RABGAP1L: variants seen among roughly 807,000 people sequenced by gnomAD.
RABGAP1L encodes the protein rab GTPase-activating protein 1-like.
RABGAP1L carries 63 observed loss-of-function variants against 137.7 expected under a neutral mutation model. The ratio of observed to expected loss-of-function variants is 0.46; its 90% CI spans 0.37 to 0.56. The LOEUF (loss-of-function observed/expected upper bound fraction) is 0.56, where lower values mean the gene tolerates loss of function less well. Ranked by LOEUF, RABGAP1L falls within the 20% of genes least tolerant of loss-of-function variation. The probability of loss-of-function intolerance (pLI) is 0.00; values close to 1 mark genes in which losing one functional copy is unlikely to be tolerated. For missense variants in RABGAP1L, 1,095 were observed against 1,244.0 expected, an observed-to-expected ratio of 0.88 and a Z score of 1.80; for synonymous variants, 431 against 433.7, an observed-to-expected ratio of 0.99 and a Z score of 0.08.
At chr1:174,314,619 T>A (rs1034391738) in intron 11 of RABGAP1L, among the ~76,000 whole-genome samples, 2 of 152,316 alleles carry the variant, frequency 1.3e-5, no homozygotes, top group Admixed American at 1.3e-4. Context: ...CTTCCTTTTT[T>A]TGATGTAGAC....
intron 14 of RABGAP1L, among the ~76,000 whole-genome samples, chr1:174,678,978 T>C (rs1194241860): frequency 6.6e-6 from 1 of 152,170 alleles, no homozygotes; most frequent in Non-Finnish European, 1.5e-5. Context: ...GCTTGAGCCC[T>C]AACAAACACA....
At chr1:174,727,167 C>T (rs899617166) in intron 17 of RABGAP1L, among the ~76,000 whole-genome samples, 1 of 152,206 alleles carries the variant, frequency 6.6e-6, no homozygotes, top group Non-Finnish European at 1.5e-5. Flanking sequence ...TGAGATAACA[C>T]TTGTCATATG....
chr1:174,800,221 T>G, intron 18 of RABGAP1L: 1 of 1,414,988 alleles, frequency 7.1e-7, no homozygotes, highest in Non-Finnish European at 9.2e-7. Flanking sequence ...CACCACAGAC[T>G]GGCTTGTACG....
chr1:174,383,465 G>T (rs541928529), intron 12 of RABGAP1L, among the ~76,000 whole-genome samples: 2 of 152,128 alleles, frequency 1.3e-5, no homozygotes, highest in Non-Finnish European at 2.9e-5. Flanking sequence ...AGGACCCTCT[G>T]AGCCAGGTGT....
At chr1:174,704,656 T>C (rs1679920200) in intron 17 of RABGAP1L, among the ~76,000 whole-genome samples, 1 of 152,238 alleles carries the variant, frequency 6.6e-6, no homozygotes, top group African/African-American at 2.4e-5. Context: ...CTTGTTTTAC[T>C]TACAAATTAG....
At chr1:174,859,480 C>T (rs1342206581) in intron 19 of RABGAP1L, among the ~76,000 whole-genome samples, 1 of 68,092 alleles carries the variant, frequency 1.5e-5, no homozygotes, top group Non-Finnish European at 2.6e-5. Context: ...GAGACTCCAT[C>T]TCAAAAAAAA....
chr1:174,501,530 C>T (rs1297306175), intron 13 of RABGAP1L, among the ~76,000 whole-genome samples: 1 of 152,082 alleles, frequency 6.6e-6, no homozygotes, highest in Non-Finnish European at 1.5e-5. Flanking sequence ...TCCTGCTATG[C>T]CTTCGTAAAA....
Position 174,989,977 on chromosome 1 carries a change from C to T in RABGAP1L, c.3132C>T (p.Thr1044=). ...AGCCATTGCAGCCAGCACCGGTCAC[C>T]CAGCCACCCAAGGAGAGCACATAGT... The part of the protein sequence containing the change: ...GTQPLQPAPV[T]QPPKEST The change falls in exon 26 of 26, where the codon ACC becomes ACT. Residue 1044 remains threonine, a synonymous_variant. Transcript: ENST00000681986. 2 of 1,547,496 alleles carry T rather than the reference C, an allele frequency of 1.3e-6. No homozygotes were observed. Among genetic ancestry groups the T allele is most frequent in the African/African-American group, 1.4e-5 (1 of 73,062 alleles).
chr1:174,407,628 T>C (rs1250019230), intron 13 of RABGAP1L, among the ~76,000 whole-genome samples: 2 of 152,194 alleles, frequency 1.3e-5, no homozygotes, highest in Non-Finnish European at 2.9e-5. Context: ...ATTATTATTA[T>C]CATTATTTTT....
intron 12 of RABGAP1L, among the ~76,000 whole-genome samples, chr1:174,380,574 G>T (rs931751453): frequency 4.3e-4 from 65 of 152,128 alleles, no homozygotes; most frequent in Non-Finnish European, 8.1e-4. Flanking sequence ...GTTTATTTGC[G>T]TAGAGGTGTT....
intron 14 of RABGAP1L, among the ~76,000 whole-genome samples, chr1:174,651,424 T>G (rs1016222220): frequency 2.6e-5 from 4 of 152,314 alleles, no homozygotes; most frequent in East Asian, 1.9e-4. Flanking sequence ...TGTCTAATGT[T>G]GACAGTGGGG....
chr1:174,817,475 A>C (rs572909562), intron 19 of RABGAP1L, among the ~76,000 whole-genome samples: 3 of 152,292 alleles, frequency 2.0e-5, no homozygotes, highest in Admixed American at 2.0e-4. Flanking sequence ...GAGTTGCCCA[A>C]GACCTGAATG....
At chr1:174,315,917 A>C (rs1370756262) in intron 11 of RABGAP1L, among the ~76,000 whole-genome samples, 1 of 151,690 alleles carries the variant, frequency 6.6e-6, no homozygotes, top group African/African-American at 2.4e-5. Flanking sequence ...GGCATGCTTC[A>C]TTGTTTCTTA....
At chr1:174,168,939 G>A (rs1036018758) in intron 1 of RABGAP1L, among the ~76,000 whole-genome samples, 2 of 152,162 alleles carry the variant, frequency 1.3e-5, no homozygotes, top group Non-Finnish European at 2.9e-5. Context: ...TGAAGTCTGG[G>A]CTTTTAGTAT....
intron 19 of RABGAP1L, among the ~76,000 whole-genome samples, chr1:174,859,953 CTTTTTTT>C (rs746676430): frequency 4.4e-4 from 42 of 95,116 alleles, no homozygotes; most frequent in South Asian, 2.2e-3. Flanking sequence ...TAGTCCAATG[CTTTTTTT>C]TTTTTTTTTT....
chr1:174,438,137 G>A (rs139907292), intron 13 of RABGAP1L, among the ~76,000 whole-genome samples: 2,654 of 152,210 alleles, frequency 0.017, 74 homozygotes, highest in African/African-American at 0.058. Flanking sequence ...AAAGACCATC[G>A]AGGCTAGGAA....
chr1:174,431,681 A>AAT (rs1383036027), intron 13 of RABGAP1L, among the ~76,000 whole-genome samples: 1 of 152,194 alleles, frequency 6.6e-6, no homozygotes, highest in Admixed American at 6.5e-5. Context: ...AGATTCATAA[A>AAT]ATATAGAGTT....
At chr1:174,562,003 A>T (rs894683229) in intron 13 of RABGAP1L, among the ~76,000 whole-genome samples, 1 of 152,356 alleles carries the variant, frequency 6.6e-6, no homozygotes, top group Non-Finnish European at 1.5e-5. Flanking sequence ...AAATTGACAC[A>T]TGGGATCTAA....
At chr1:174,507,015 G>T (rs1661880895) in intron 13 of RABGAP1L, among the ~76,000 whole-genome samples, 1 of 152,166 alleles carries the variant, frequency 6.6e-6, no homozygotes, top group East Asian at 1.9e-4. Context: ...GGGGGCTGAG[G>T]CGGGAGGATC....
Sources: gnomAD v4.1 joint callset for allele counts (sites outside exome capture counted in the v4.1 genomes callset) on GRCh38, gnomAD v4.1.1 for gene constraint, MANE v1.5 for transcripts, NCBI Gene and HGNC (gene_info 2026-07-23, HGNC 2026-07-21) for gene names.